The following MUC3A variants were observed in gnomAD, a reference collection of about 807,000 sequenced individuals.
MUC3A encodes the protein mucin 3A, cell surface associated.
MUC3A carries 109 observed loss-of-function variants against 109.0 expected under a neutral mutation model. That is an observed-to-expected ratio of 1.00 (90% confidence interval 0.86 to 1.17). The LOEUF is 1.17. Among genes scored for constraint, MUC3A ranks in the 50% most tolerant of loss-of-function variants. MUC3A has a pLI of 0.00. For missense variants in MUC3A, 3,537 were observed against 2,469.4 expected, an observed-to-expected ratio of 1.43 and a Z score of -9.16; for synonymous variants, 1,398 against 981.4, an observed-to-expected ratio of 1.42 and a Z score of -7.93.
rs1193341666 is a variant in MUC3A, at chr7:100,960,785, G to T, written c.8900G>T (p.Gly2967Val). ...GACAATGGTGGCACCTGGGAACAGG[G>T]CCAGTGTGCTTGCCTTCCGGGGTTT... ...TCDNGGTWEQ[G>V]QCACLPGFSG... Residue 2967 changes from glycine (G) to valine (V), a missense_variant, in exon 3 of 12, where the codon GGC (glycine) becomes GTC (valine). Coordinates refer to ENST00000379458, the MANE Select transcript of MUC3A (RefSeq NM_005960.2). 1 of 1,598,406 alleles carries T rather than the reference G, an allele frequency of 6.3e-7. No individual in the cohort carries two copies. The highest frequency in any genetic ancestry group is 1.3e-5 in the African/African-American group (1 of 74,962).
In MUC3A at chr7:100,960,130, A is replaced by G. The variant is rs1347321253; in HGVS notation, c.8351A>G (p.Asp2784Gly). 1 of 1,549,014 alleles carries G rather than the reference A, an allele frequency of 6.5e-7. No homozygotes were observed. The highest frequency in any genetic ancestry group is 2.2e-5 in the East Asian group (1 of 44,510). Reference sequence around the variant, plus strand: ...ACCATAGTCCCTGCCTCCCCCACTGATCCATGTGTTGAAATGGATCCCAGC... The same window carrying G: ...ACCATAGTCCCTGCCTCCCCCACTGGTCCATGTGTTGAAATGGATCCCAGC... ...TITIVPASPT[D>G]PCVEMDPSTE... Residue 2784 changes from aspartate to glycine, a missense_variant, in exon 2 of 12, where the codon GAT (aspartate) becomes GGT (glycine). Coordinates refer to ENST00000379458, the MANE Select transcript of MUC3A (RefSeq NM_005960.2).
chr7:100,955,621 T>C lies in MUC3A; in HGVS notation c.3842T>C (p.Phe1281Ser). The C allele has an allele frequency of 2.2e-6, 1 of 457,278 alleles. No homozygotes were observed. The highest frequency in any genetic ancestry group is 5.8e-5 in the South Asian group (1 of 17,206). The allele number at this position is 457,278 out of a possible 1,614,324, so 28.3% of individuals were successfully genotyped here. A position where few individuals can be genotyped will look rare whatever the true frequency, so the allele number is the denominator to read the frequency against. The change falls in exon 2 of 12, where the codon TTC (phenylalanine) becomes TCC (serine). Residue 1281 changes from phenylalanine (F) to serine (S), a missense_variant. Phe to Ser is a radical substitution (Grantham distance 155). Transcript: ENST00000379458. The part of the protein sequence containing the change: ...STLTSSLLTT[F>S]PSTYSFSSSM... ...CTAACAAGTTCCCTCCTGACGACCTTCCCAAGTACATATTCATTTTCATCT... is the reference window on the plus strand; with the variant it reads ...CTAACAAGTTCCCTCCTGACGACCTCCCCAAGTACATATTCATTTTCATCT...
intron 8 of MUC3A, 34 bp downstream of exon 8, chr7:100,965,900 C>T (rs775090980): frequency 1.3e-6 from 2 of 1,565,320 alleles, no homozygotes; most frequent in South Asian, 2.3e-5. Context: ...ATCAGCCGAG[C>T]CCCTCCCACT....
chr7:100,966,357 A>T, intron 8 of MUC3A, 29 bp from the exon 9 acceptor site: 1 of 1,309,202 alleles, frequency 7.6e-7, no homozygotes, highest in Non-Finnish European at 9.7e-7. Context: ...CCGGAGGTGA[A>T]GAGGGTCTGA....
chr7:100,965,419 G>A, intron 7 of MUC3A, 72 bp downstream of exon 7: 2 of 1,557,208 alleles, frequency 1.3e-6, no homozygotes, highest in South Asian at 2.3e-5. Context: ...TTTGCCCATT[G>A]AAGCCTGTGG....
chr7:100,963,209 C>A lies in MUC3A; in HGVS notation c.9111C>A (p.Asp3037Glu). The change falls in exon 4 of 12, where the codon GAC (aspartate) becomes GAA (glutamate). Residue 3037 changes from aspartate (D) to glutamate (E), a missense_variant. By Grantham distance (45) the Asp-to-Glu change is conservative. Transcript: ENST00000379458. ...EVSVDQQFSPDLNDNTSQAYR... is the reference protein window; with the variant it reads ...EVSVDQQFSPELNDNTSQAYR... ...CTGTGGATCAGCAGTTCTCGCCGGA[C>A]CTCAATGACAACACTTCCCAGGCCT... The A allele has an allele frequency of 6.3e-7, 1 of 1,598,388 alleles. No individual in the cohort carries two copies. Among genetic ancestry groups the A allele is most frequent in the Non-Finnish European group, 8.5e-7 (1 of 1,179,768 alleles).
rs1315167450 is a variant in MUC3A, at chr7:100,955,874, A to T, written c.4095A>T (p.Thr1365=). ...SSTATFLETT[T]LTPTTDFSTE... is the part of the protein sequence containing the mutation. ...CAGCCACATTCCTTGAGACCACCAC[A>T]CTGACTCCTACAACTGACTTTTCTA... The change falls in exon 2 of 12, where the codon ACA becomes ACT. Residue 1365 remains threonine, a synonymous_variant. Coordinates refer to ENST00000379458, the MANE Select transcript of MUC3A (RefSeq NM_005960.2). 2.2e-6 allele frequency: 1 copy of T among 462,118 alleles called. No homozygotes were observed. The highest frequency in any genetic ancestry group is 3.7e-5 in the Admixed American group (1 of 26,878). 28.6% of individuals were successfully genotyped at this position (462,118 alleles called of 1,614,324 possible).
chr7:100,964,122 A>T (rs1792440484), intron 5 of MUC3A: 2 of 398,700 alleles, frequency 5.0e-6, no homozygotes, highest in Non-Finnish European at 9.2e-6. Context: ...CGCCCGGTGG[A>T]TGATGGCTTG....
rs1792096875 is a variant in MUC3A, at chr7:100,956,392, C to A, written c.4613C>A (p.Thr1538Lys). The change falls in exon 2 of 12, where the codon ACA becomes AAA. Residue 1538 changes from threonine (T) to lysine (K), a missense_variant. Coordinates refer to ENST00000379458, the MANE Select transcript of MUC3A (RefSeq NM_005960.2). ...TTCACTTCTTCAACCATCTACTCCACAGCCAGCACACCCACCACTGCCATC... is the reference window on the plus strand; with the variant it reads ...TTCACTTCTTCAACCATCTACTCCAAAGCCAGCACACCCACCACTGCCATC... ...TSFTSSTIYS[T>K]ASTPTTAITS... 4.3e-5 allele frequency: 28 copies of A among 654,166 alleles called. No homozygotes were observed. The highest frequency in any genetic ancestry group is 6.6e-5 in the Non-Finnish European group (24 of 364,740). 40.5% of individuals were successfully genotyped at this position (654,166 alleles called of 1,614,324 possible). A position where few individuals can be genotyped will look rare whatever the true frequency, so the allele number is the denominator to read the frequency against.
At position 100,951,919 on chromosome 7, in the gene MUC3A, C is replaced by T. The variant is rs561812627; in HGVS notation, c.140C>T (p.Ser47Phe). 66 of 1,598,622 alleles carry T rather than the reference C, an allele frequency of 4.1e-5. No individual in the cohort carries two copies. The South Asian group carries it at 6.8e-4, about 16-fold the overall frequency. ...GCAGCCAGCGCTGTGCTCAGCAATT[C>T]TCCACACTCCAGAGACCTGGCTGGG... ...AEAASAVLSN[S>F]PHSRDLAGWP... Residue 47 changes from serine (S) to phenylalanine (F), a missense_variant, in exon 2 of 12, where the codon TCT becomes TTT. Transcript: ENST00000379458.
Position 100,957,480 on chromosome 7 carries a change from T to G in MUC3A, c.5701T>G (p.Ser1901Ala). Residue 1901 changes from serine (S) to alanine (A), a missense_variant, in exon 2 of 12, where the codon TCA becomes GCA. Physicochemically the swap from Ser to Ala is moderately conservative, Grantham distance 99. Transcript: ENST00000379458. ...NLVTTTTKIT[S>A]HSTPSFTSSI... is the part of the protein sequence containing the mutation. The stretch of plus-strand genomic sequence containing the variant: ...GGTAACCACGACCACCAAGATCACC[T>G]CACACAGTACTCCTAGCTTCACTTC... The G allele has an allele frequency of 7.8e-7, 1 of 1,274,970 alleles. No individual in the cohort carries two copies. The highest frequency in any genetic ancestry group is 1.0e-6 in the Non-Finnish European group (1 of 990,878). 79.0% of individuals were successfully genotyped at this position (1,274,970 alleles called of 1,614,324 possible).
chr7:100,960,789 G>C lies in MUC3A; in HGVS notation c.8904G>C (p.Gln2968His), dbSNP rs892573140. Residue 2968 changes from glutamine to histidine, a missense_variant, in exon 3 of 12, where the codon CAG (glutamine) becomes CAC (histidine). Coordinates refer to ENST00000379458, the MANE Select transcript of MUC3A (RefSeq NM_005960.2). ...CDNGGTWEQGQCACLPGFSGD... is the reference protein window; with the variant it reads ...CDNGGTWEQGHCACLPGFSGD... Reference sequence around the variant, plus strand: ...ATGGTGGCACCTGGGAACAGGGCCAGTGTGCTTGCCTTCCGGGGTTTTCTG... The same window carrying C: ...ATGGTGGCACCTGGGAACAGGGCCACTGTGCTTGCCTTCCGGGGTTTTCTG... The C allele has an allele frequency of 5.0e-6, 8 of 1,598,394 alleles. No individual in the cohort carries two copies. The highest frequency in any genetic ancestry group is 5.9e-6 in the Non-Finnish European group (7 of 1,179,814).
chr7:100,966,736 C>T lies in MUC3A; in HGVS notation c.9870C>T (p.Asp3290=), dbSNP rs756857687. ...TTTCAAACTGGGGTTTCGAGGACGACGGAACAGGTGAGTCCTGCCTCCTGG... is the reference window on the plus strand; with the variant it reads ...TTTCAAACTGGGGTTTCGAGGACGATGGAACAGGTGAGTCCTGCCTCCTGG... The part of the protein sequence containing the change: ...GTFSNWGFED[D]GTDKDTNFYV... The change falls in exon 10 of 12, where the codon GAC becomes GAT. Residue 3290 remains aspartate, a synonymous_variant. Transcript: ENST00000379458. 3.8e-6 allele frequency: 6 copies of T among 1,598,544 alleles called. No homozygotes were observed. Among genetic ancestry groups the T allele is most frequent in the African/African-American group, 1.3e-5 (1 of 75,086 alleles).
At position 100,959,138 on chromosome 7, in the gene MUC3A, C is replaced by G; in HGVS notation, c.7359C>G (p.Ser2453Arg). 6.3e-7 allele frequency: 1 copy of G among 1,584,684 alleles called. No homozygotes were observed. The highest frequency in any genetic ancestry group is 8.5e-7 in the Non-Finnish European group (1 of 1,174,194). The part of the protein sequence containing the change: ...LSSSTIYSTV[S>R]TSTTAITSHF... ...CTTCAACCATCTACTCCACAGTCAG[C>G]ACATCCACAACTGCCATCACCTCAC... is the stretch of plus-strand genomic sequence containing the variant. Residue 2453 changes from serine (S) to arginine (R), a missense_variant, in exon 2 of 12, where the codon AGC becomes AGG. Physicochemically the swap from Ser to Arg is moderately radical, Grantham distance 110 (BLOSUM62 -1). Coordinates refer to ENST00000379458, the MANE Select transcript of MUC3A (RefSeq NM_005960.2).
rs1033512792 is a variant in MUC3A, at chr7:100,953,140, A to G, written c.1361A>G (p.His454Arg). The G allele has an allele frequency of 1.9e-5, 12 of 621,626 alleles. No homozygotes were observed. In the African/African-American group the frequency reaches 2.2e-4, roughly 11 times the overall value. 38.5% of individuals were successfully genotyped at this position (621,626 alleles called of 1,614,324 possible). Residue 454 changes from histidine to arginine, a missense_variant, in exon 2 of 12, where the codon CAT (histidine) becomes CGT (arginine). By Grantham distance (29) the His-to-Arg change is conservative. Transcript: ENST00000379458. Reference sequence around the variant, plus strand: ...ACAACACCAACAACTATCACCCACCATTCTGTGGGCTCTACCGGTTTCCTG... The same window carrying G: ...ACAACACCAACAACTATCACCCACCGTTCTGTGGGCTCTACCGGTTTCCTG... ...PFTTPTTITH[H>R]SVGSTGFLTT... is the part of the protein sequence containing the mutation.
rs751301708 is a variant in MUC3A, at chr7:100,966,673, A to T, written c.9807A>T (p.Lys3269Asn). ...RRGRSWDQDR[K>N]WFETWDEEVV... is the part of the protein sequence containing the mutation. The stretch of plus-strand genomic sequence containing the variant: ...CTAGGTCCTGGGACCAGGACAGGAA[A>T]TGGTTCGAGACCTGGGATGAGGAAG... The change falls in exon 10 of 12, where the codon AAA becomes AAT. Residue 3269 changes from lysine to asparagine, a missense_variant. Transcript: ENST00000379458. 6.3e-7 allele frequency: 1 copy of T among 1,598,546 alleles called. No individual in the cohort carries two copies. Among genetic ancestry groups the T allele is most frequent in the East Asian group, 2.2e-5 (1 of 44,890 alleles).
chr7:100,949,539 C>G lies in MUC3A; in HGVS notation c.-86C>G, dbSNP rs1011406886. ...CAGCAAAACCGATAACCAGCACTTT[C>G]ATTACGTGCACGCCCCAGGGCCACG... On this transcript the variant is annotated 5_prime_UTR_variant, in exon 1 of 12. Transcript: ENST00000379458. 31 of 1,172,850 alleles carry G rather than the reference C, an allele frequency of 2.6e-5. No individual in the cohort carries two copies. The highest frequency in any genetic ancestry group is 9.4e-5 in the Admixed American group (3 of 32,078). 72.7% of individuals were successfully genotyped at this position (1,172,850 alleles called of 1,614,324 possible). A position where few individuals can be genotyped will look rare whatever the true frequency, so the allele number is the denominator to read the frequency against.
Position 100,954,068 on chromosome 7 carries a change from A to AACC in MUC3A, c.2300_2302dup (p.Thr767dup), listed in dbSNP as rs1231137019. 9.5e-6 allele frequency: 5 copies of AACC among 526,442 alleles called. No homozygotes were observed. Among genetic ancestry groups the AACC allele is most frequent in the Admixed American group, 6.0e-5 (2 of 33,242 alleles). 32.6% of individuals were successfully genotyped at this position (526,442 alleles called of 1,614,324 possible). Reference sequence around the variant, plus strand: ...CCAAAACTCCTACCACAAACTTGGTAACCACCACCACCAAGACCACCTCAC... The same window carrying AACC: ...CCAAAACTCCTACCACAAACTTGGTAACCACCACCACCACCAAGACCACCTCAC... On this transcript the variant is annotated inframe_insertion, in exon 2 of 12. Coordinates refer to ENST00000379458, the MANE Select transcript of MUC3A (RefSeq NM_005960.2).
At chr7:100,965,431 C>T (rs1792498920) in intron 7 of MUC3A, 84 bp downstream of exon 7, 2 of 1,545,826 alleles carry the variant, frequency 1.3e-6, no homozygotes, top group East Asian at 2.4e-5. Context: ...AGCCTGTGGG[C>T]AGGGAGAGAC....
Sources: gnomAD v4.1 joint callset for allele counts on GRCh38, gnomAD v4.1.1 for gene constraint, MANE v1.5 for transcripts, NCBI Gene and HGNC (gene_info 2026-07-23, HGNC 2026-07-21) for gene names.